The following NIPAL2 variants were observed in gnomAD, a reference collection of about 807,000 sequenced individuals.
NIPAL2 encodes the protein NIPA like domain containing 2.
A neutral mutation model predicts 48.9 loss-of-function variants in NIPAL2; 43 were observed. The observed-to-expected ratio is 0.88, with a 90% CI of 0.69 to 1.13. NIPAL2 has a LOEUF of 1.13. NIPAL2 is among the 50% of genes most tolerant of loss of function. The probability of loss-of-function intolerance (pLI) is 0.00; values close to 1 mark genes in which losing one functional copy is unlikely to be tolerated. For synonymous variants in NIPAL2, 167 were observed against 174.6 expected (o/e 0.96, Z 0.34); for missense variants, 446 against 461.4 (o/e 0.97, Z 0.31).
At chr8:98,211,991 A>G (rs1186028773) in intron 6 of NIPAL2, among the ~76,000 whole-genome samples, 1 of 152,234 alleles carries the variant, frequency 6.6e-6, no homozygotes, top group South Asian at 2.1e-4. Flanking sequence ...TACTGCTTAC[A>G]TCTACATTTC....
chr8:98,268,995 C>A (rs146720070), intron 1 of NIPAL2, among the ~76,000 whole-genome samples: 1 of 152,140 alleles, frequency 6.6e-6, no homozygotes, highest in Non-Finnish European at 1.5e-5. Flanking sequence ...TTAAGAAACC[C>A]CTTTCTTTGC....
chr8:98,278,785 C>T (rs1264954171), intron 1 of NIPAL2, among the ~76,000 whole-genome samples: 3 of 152,110 alleles, frequency 2.0e-5, no homozygotes, highest in African/African-American at 7.2e-5. Context: ...TATAAACTGT[C>T]TAGAAATAGG....
chr8:98,226,975 C>T (rs1456296674), intron 4 of NIPAL2, among the ~76,000 whole-genome samples: 1 of 152,146 alleles, frequency 6.6e-6, no homozygotes, highest in Non-Finnish European at 1.5e-5. Flanking sequence ...ACACCAAAAC[C>T]ACAAGACAAA....
chr8:98,294,114 GC>G lies in NIPAL2; in HGVS notation c.23del (p.Gly8AlafsTer15). The G allele has an allele frequency of 6.8e-7, 1 of 1,472,568 alleles. No homozygotes were observed. Among genetic ancestry groups the G allele is most frequent in the Non-Finnish European group, 9.0e-7 (1 of 1,111,272 alleles). 91.2% of individuals were successfully genotyped at this position (1,472,568 alleles called of 1,614,324 possible). A position where few individuals can be genotyped will look rare whatever the true frequency, so the allele number is the denominator to read the frequency against. On this transcript the variant is annotated frameshift_variant, in exon 1 of 11. Transcript: ENST00000430223. LOFTEE classifies it high-confidence loss of function. ...GGGCGGCCGAGGCGGAGTCCCCGGG[GC>G]CCGCGGGCGCCACCGCTGCCATGAG... is the stretch of plus-strand genomic sequence containing the variant. MAAVAPA[G>X]PGDSASAALD...
chr8:98,237,640 C>T (rs1473683424), intron 3 of NIPAL2, among the ~76,000 whole-genome samples: 1 of 152,180 alleles, frequency 6.6e-6, no homozygotes, highest in Non-Finnish European at 1.5e-5. Context: ...GCTTTGGTCA[C>T]CACATTTGTC....
intron 7 of NIPAL2, among the ~76,000 whole-genome samples, chr8:98,203,397 A>C (rs1309306796): frequency 6.6e-6 from 1 of 152,196 alleles, no homozygotes; most frequent in Non-Finnish European, 1.5e-5. Context: ...GGTCTGTTTA[A>C]ACCAACAACA....
At chr8:98,204,423 G>A (rs1343422459) in intron 7 of NIPAL2, among the ~76,000 whole-genome samples, 1 of 152,004 alleles carries the variant, frequency 6.6e-6, no homozygotes, top group African/African-American at 2.4e-5. Context: ...AGCATTTTGG[G>A]GTGAACAGAA....
intron 1 of NIPAL2, among the ~76,000 whole-genome samples, chr8:98,264,158 C>A (rs1054883913): frequency 3.2e-4 from 48 of 150,906 alleles, no homozygotes; most frequent in African/African-American, 1.1e-3. Flanking sequence ...CTATGACAAA[C>A]CCACAGCCAA....
At chr8:98,258,995 T>C (rs948265707) in intron 1 of NIPAL2, among the ~76,000 whole-genome samples, 1 of 149,602 alleles carries the variant, frequency 6.7e-6, no homozygotes, top group Non-Finnish European at 1.5e-5. Context: ...TGACACCAAA[T>C]ACACAGGCCA....
chr8:98,198,572 G>C (rs10100633), intron 8 of NIPAL2, among the ~76,000 whole-genome samples: 55,692 of 152,092 alleles, frequency 0.37, 10,437 homozygotes, highest in South Asian at 0.51. Context: ...CTGTATTTTA[G>C]TGTAGCCACC....
In NIPAL2 at chr8:98,191,934, T is replaced by C. The variant is rs1392100384; in HGVS notation, c.*1044A>G. 6.6e-6 allele frequency: 1 copy of C among 152,170 alleles called. No individual in the cohort carries two copies. Among genetic ancestry groups the C allele is most frequent in the Non-Finnish European group, 1.5e-5 (1 of 68,030 alleles). 9.4% of individuals were successfully genotyped at this position (152,170 alleles called of 1,614,324 possible). ...AAATTCAGTTCTCTAATCACAACTC[T>C]CCTTTTATCTAGAAGAATTTACAAA... is the stretch of plus-strand genomic sequence containing the variant. On this transcript the variant is annotated 3_prime_UTR_variant, in exon 11 of 11. Coordinates refer to ENST00000430223, the MANE Select transcript of NIPAL2 (RefSeq NM_001321635.2).
chr8:98,225,866 C>T (rs1423887084), intron 4 of NIPAL2, among the ~76,000 whole-genome samples: 1 of 152,064 alleles, frequency 6.6e-6, no homozygotes, highest in African/African-American at 2.4e-5. Flanking sequence ...TCTTTTGAGG[C>T]TATTTCCTAG....
chr8:98,209,907 T>C (rs1586312872), intron 6 of NIPAL2, among the ~76,000 whole-genome samples: 1 of 152,248 alleles, frequency 6.6e-6, no homozygotes, highest in Non-Finnish European at 1.5e-5. Context: ...CTGGTTCTTT[T>C]TTAGGATATA....
intron 1 of NIPAL2, among the ~76,000 whole-genome samples, chr8:98,280,438 A>AC (rs1240365723): frequency 6.6e-6 from 1 of 152,104 alleles, no homozygotes; most frequent in African/African-American, 2.4e-5. Context: ...TGTATCAGCA[A>AC]TAGTACAGAT....
chr8:98,284,365 C>G, intron 1 of NIPAL2, among the ~76,000 whole-genome samples: 1 of 152,088 alleles, frequency 6.6e-6, no homozygotes, highest in East Asian at 1.9e-4. Context: ...CTTCTAACCA[C>G]TCTTTCAAAT....
chr8:98,260,235 C>A (rs1022629085), intron 1 of NIPAL2, among the ~76,000 whole-genome samples: 1 of 152,302 alleles, frequency 6.6e-6, no homozygotes, highest in South Asian at 2.1e-4. Flanking sequence ...CCATTATCTT[C>A]TTTGACTCTC....
intron 1 of NIPAL2, among the ~76,000 whole-genome samples, chr8:98,281,921 G>A (rs2130903646): frequency 6.6e-6 from 1 of 152,338 alleles, no homozygotes; most frequent in Non-Finnish European, 1.5e-5. Flanking sequence ...TGAAATCAAA[G>A]AGTCAGGAGG....
chr8:98,284,920 C>A (rs1816070643), intron 1 of NIPAL2, among the ~76,000 whole-genome samples: 1 of 152,038 alleles, frequency 6.6e-6, no homozygotes, highest in Non-Finnish European at 1.5e-5. Flanking sequence ...GAGGACACTA[C>A]CTTTGCCATT....
intron 8 of NIPAL2, among the ~76,000 whole-genome samples, chr8:98,202,318 T>C (rs1472488767): frequency 6.6e-6 from 1 of 152,182 alleles, no homozygotes; most frequent in Non-Finnish European, 1.5e-5. Context: ...ATTGGGCATG[T>C]ATGGCCCAGA....
Sources: allele counts gnomAD v4.1 joint callset (sites outside exome capture counted in the v4.1 genomes callset), GRCh38; gene constraint gnomAD v4.1.1; transcripts MANE v1.5; gene names NCBI Gene and HGNC (gene_info 2026-07-23, HGNC 2026-07-21).